MYO16: variants seen among roughly 807,000 people sequenced by gnomAD.
MYO16 encodes myosin XVI.
MYO16 carries 94 observed loss-of-function variants against 205.3 expected under a neutral mutation model. The ratio of observed to expected loss-of-function variants is 0.46; its 90% CI spans 0.39 to 0.54. MYO16 has a LOEUF of 0.54. Among genes scored for constraint, MYO16 ranks in the 20% least tolerant of loss-of-function variants. MYO16 has a pLI of 0.00. For missense variants in MYO16, 2,315 were observed against 2,387.5 expected (o/e 0.97, Z 0.63); for synonymous variants, 988 against 954.0 (o/e 1.04, Z -0.66).
At chr13:108,798,721 T>TTTTAC (rs1886874945) in intron 6 of MYO16, among the ~76,000 whole-genome samples, 1 of 100,490 alleles carries the variant, frequency 1.0e-5, no homozygotes, top group Non-Finnish European at 1.9e-5. Context: ...TTTTTTGAGA[T>TTTTAC]GGAGTCTCGC....
rs563547337 is a variant in MYO16 at position 108,786,566 on chromosome 13, C to T, written c.616+823C>T. Among the ~76,000 whole-genome samples, 8 of 152,302 alleles carry T rather than the reference C, an allele frequency of 5.3e-5. No individual in the cohort carries two copies. The South Asian group carries it at 1.0e-3, about 20-fold the overall frequency. On this transcript the variant is annotated intron_variant, in intron 5 of 34. Coordinates refer to ENST00000457511, the MANE Select transcript of MYO16 (RefSeq NM_001198950.3). ...ATACTCTTTTTGCCTCTAAGAAAAC[C>T]TCACATCTGCCTCATTGTTCCCTTG...
At chr13:109,021,163 C>T (rs1886011106) in intron 23 of MYO16, among the ~76,000 whole-genome samples, 1 of 151,980 alleles carries the variant, frequency 6.6e-6, no homozygotes, top group Admixed American at 6.6e-5. Context: ...GGAGAGAATC[C>T]ATTCTACCTA....
intron 1 of MYO16, among the ~76,000 whole-genome samples, chr13:108,599,616 G>A (rs1010010058): frequency 3.3e-5 from 5 of 151,968 alleles, no homozygotes; most frequent in Non-Finnish European, 5.9e-5. Flanking sequence ...CCCTCCATCC[G>A]TATGTTTGGA....
rs191906367 is a variant in MYO16 at position 109,145,414 on chromosome 13, G to A, written c.5164+4038G>A. Among the ~76,000 whole-genome samples, 5 of 152,112 alleles carry A rather than the reference G, an allele frequency of 3.3e-5. No individual in the cohort carries two copies. In the East Asian group the frequency reaches 7.7e-4, roughly 24 times the overall value. ...AAAATTAATATTTGTTCACTGAGGGGCAACGAGTAATAGTCATAAGAGTTT... is the reference window on the plus strand; with the variant it reads ...AAAATTAATATTTGTTCACTGAGGGACAACGAGTAATAGTCATAAGAGTTT... On this transcript the variant is annotated intron_variant, in intron 32 of 34. Transcript: ENST00000457511.
chr13:109,095,412 A>G (rs904535383), intron 27 of MYO16, among the ~76,000 whole-genome samples: 1 of 152,208 alleles, frequency 6.6e-6, no homozygotes, highest in African/African-American at 2.4e-5. Context: ...GTTTTAGCTC[A>G]GGAATGGAAT....
intron 6 of MYO16, among the ~76,000 whole-genome samples, chr13:108,794,000 G>A (rs566616465): frequency 6.6e-6 from 1 of 152,324 alleles, no homozygotes; most frequent in East Asian, 1.9e-4. Context: ...ACACAGCTGT[G>A]AAAAGAACAA....
intron 28 of MYO16, among the ~76,000 whole-genome samples, chr13:109,114,581 TC>T (rs1397385361): frequency 6.6e-6 from 1 of 152,238 alleles, no homozygotes; most frequent in Non-Finnish European, 1.5e-5. Context: ...TCTTTGCACC[TC>T]CTTTGTAGAT....
Position 109,179,602 on chromosome 13 carries a change from T to A in MYO16, c.5384T>A (p.Phe1795Tyr), listed in dbSNP as rs1433057954. 6.2e-7 allele frequency: 1 copy of A among 1,613,898 alleles called. No individual in the cohort carries two copies. The highest frequency in any genetic ancestry group is 1.1e-5 in the South Asian group (1 of 91,084). The change falls in exon 34 of 35, where the codon TTT (phenylalanine) becomes TAT (tyrosine). Residue 1795 changes from phenylalanine (F) to tyrosine (Y), a missense_variant. Physicochemically the swap from Phe to Tyr is conservative, Grantham distance 22. Around this residue, in one of 3 missense-constraint regions of MYO16, gnomAD observed 1,097 missense variants for 1,092.0 expected, o/e 1.00. Transcript: ENST00000457511. The part of the protein sequence containing the change: ...LSISGTGTST[F>Y]QRHRDSHTTQ... Reference sequence around the variant, plus strand: ...ATAAGTGGCACAGGGACTTCGACATTTCAAAGACACAGGGACAGTCACACC... The same window carrying A: ...ATAAGTGGCACAGGGACTTCGACATATCAAAGACACAGGGACAGTCACACC...
chr13:108,556,159 G>C, the MYO16 span, among the ~76,000 whole-genome samples: 3 of 151,880 alleles, frequency 2.0e-5, no homozygotes, highest in Admixed American at 2.0e-4. Flanking sequence ...TATATATCTG[G>C]TAGTAAGACT....
intron 22 of MYO16, among the ~76,000 whole-genome samples, chr13:109,013,248 A>G (rs1276961335): frequency 1.3e-5 from 2 of 151,908 alleles, no homozygotes; most frequent in Non-Finnish European, 2.9e-5. Flanking sequence ...TAGTTTGCTC[A>G]GAGTGATGGT....
At chr13:109,069,804 T>C (rs1054444089) in intron 27 of MYO16, among the ~76,000 whole-genome samples, 1 of 152,116 alleles carries the variant, frequency 6.6e-6, no homozygotes, top group Non-Finnish European at 1.5e-5. Flanking sequence ...ACATTGGGGA[T>C]TTGGAGACTT....
chr13:109,153,531 G>C (rs200124953), intron 32 of MYO16, among the ~76,000 whole-genome samples: 1 of 152,116 alleles, frequency 6.6e-6, no homozygotes, highest in Non-Finnish European at 1.5e-5. Context: ...AGCCAAGACC[G>C]TCCGATCACC....
intron 23 of MYO16, among the ~76,000 whole-genome samples, chr13:109,043,484 A>G (rs1886944826): frequency 6.6e-6 from 1 of 152,190 alleles, no homozygotes; most frequent in Non-Finnish European, 1.5e-5. Flanking sequence ...TTGTGGCTAT[A>G]TAGAGGAAGA....
intron 1 of MYO16, among the ~76,000 whole-genome samples, chr13:108,600,488 A>C (rs1193771868): frequency 6.6e-6 from 1 of 152,180 alleles, no homozygotes; most frequent in East Asian, 1.9e-4. Context: ...GCTACTGTTG[A>C]CCGTTATACA....
the MYO16 span, among the ~76,000 whole-genome samples, chr13:108,516,762 G>T: frequency 0.21 from 31,348 of 152,036 alleles, 4,688 homozygotes; most frequent in African/African-American, 0.42. Context: ...GTGTGATTGT[G>T]AACTTTATGT....
At chr13:109,035,762 C>T (rs1425870445) in intron 23 of MYO16, among the ~76,000 whole-genome samples, 1 of 152,186 alleles carries the variant, frequency 6.6e-6, no homozygotes, top group Non-Finnish European at 1.5e-5. Flanking sequence ...TCCTTTCTCA[C>T]CTGCCAGCAC....
intron 3 of MYO16, among the ~76,000 whole-genome samples, chr13:108,714,614 A>G (rs9520977): frequency 0.01 from 950 of 93,402 alleles, 9 homozygotes; most frequent in Middle Eastern, 0.026. Context: ...GTGTGTGTGT[A>G]TATATATAGA....
Position 108,629,871 on chromosome 13 carries a change from C to A in MYO16, c.27C>A (p.Cys9Ter). 6.6e-7 allele frequency: 1 copy of A among 1,526,274 alleles called. No homozygotes were observed. Among genetic ancestry groups the A allele is most frequent in the Non-Finnish European group, 8.8e-7 (1 of 1,138,886 alleles). The allele number at this position is 1,526,274 out of a possible 1,614,324, so 94.5% of individuals were successfully genotyped here. MSHYHFIK[C>*]CCFQLCNVFR... ...TGTCTCACTATCATTTTATCAAGTGCTGTAAGTAAGCTTGATATCTTGCTC... is the reference window on the plus strand; with the variant it reads ...TGTCTCACTATCATTTTATCAAGTGATGTAAGTAAGCTTGATATCTTGCTC... The change falls in exon 1 of 35, where the codon TGC (cysteine) becomes TGA (stop). Residue 9 changes from cysteine (C) to a stop codon, truncating the protein, a stop_gained and splice_region_variant. Coordinates refer to ENST00000457511, the MANE Select transcript of MYO16 (RefSeq NM_001198950.3). LOFTEE classifies it high-confidence loss of function.
the MYO16 span, among the ~76,000 whole-genome samples, chr13:108,551,796 A>G: frequency 6.6e-6 from 1 of 152,166 alleles, no homozygotes; most frequent in Non-Finnish European, 1.5e-5. Flanking sequence ...GGCATACTAA[A>G]GTTCCTGTGG....
Sources: allele counts gnomAD v4.1 joint callset (sites outside exome capture counted in the v4.1 genomes callset), GRCh38; gene constraint gnomAD v4.1.1; regional missense constraint gnomAD v4.1.1; transcripts MANE v1.5; gene names NCBI Gene and HGNC (gene_info 2026-07-23, HGNC 2026-07-21).